MGAT4C: variants seen among roughly 807,000 people sequenced by gnomAD.
MGAT4C encodes the protein MGAT4 family member C, also known as alpha-1,3-mannosyl-glycoprotein 4-beta-N-acetylglucosaminyltransferase C.
Under a neutral mutation model 40.1 loss-of-function variants are expected in MGAT4C, and 19 were observed. The observed-to-expected ratio is 0.47, with a 90% CI of 0.33 to 0.70. The LOEUF is 0.70. MGAT4C is among the 30% of genes least tolerant of loss of function. The pLI is 0.02. For synonymous variants in MGAT4C, 181 were observed against 187.1 expected, an observed-to-expected ratio of 0.97 and a Z score of 0.27; for missense variants, 491 against 563.2, an observed-to-expected ratio of 0.87 and a Z score of 1.30.
At chr12:86,796,274 C>A (rs1952116649) in intron 1 of MGAT4C, among the ~76,000 whole-genome samples, 1 of 151,576 alleles carries the variant, frequency 6.6e-6, no homozygotes, top group Non-Finnish European at 1.5e-5. Flanking sequence ...TTTTCCATTT[C>A]TTTACTAATG....
chr12:85,987,115 AATTTT>A (rs1885302949), intron 3 of MGAT4C, among the ~76,000 whole-genome samples: 4 of 129,426 alleles, frequency 3.1e-5, no homozygotes, highest in East Asian at 2.3e-4. Flanking sequence ...TTAAAATAAT[AATTTT>A]TTTTTTTTTT....
chr12:86,388,254 T>C (rs1313592553), intron 3 of MGAT4C, among the ~76,000 whole-genome samples: 2 of 152,160 alleles, frequency 1.3e-5, no homozygotes, highest in African/African-American at 4.8e-5. Context: ...ATTTCAAATA[T>C]ACATATTTTG....
chr12:86,525,926 G>A (rs564793347), intron 2 of MGAT4C, among the ~76,000 whole-genome samples: 19 of 152,326 alleles, frequency 1.2e-4, no homozygotes, highest in Admixed American at 3.3e-4. Flanking sequence ...GTCCTCATTC[G>A]CATGTGCCAG....
At chr12:86,730,238 T>C (rs777423831) in intron 1 of MGAT4C, among the ~76,000 whole-genome samples, 2 of 152,056 alleles carry the variant, frequency 1.3e-5, no homozygotes, top group Non-Finnish European at 2.9e-5. Context: ...TGTCAACTGC[T>C]ACTTGATAGA....
chr12:86,015,206 G>T (rs536758340), intron 2 of MGAT4C, among the ~76,000 whole-genome samples: 4 of 151,104 alleles, frequency 2.6e-5, no homozygotes, highest in Non-Finnish European at 5.9e-5. Context: ...TAATAATAAG[G>T]TTGGTGCAAA....
chr12:86,146,239 C>T (rs1380632255), intron 1 of MGAT4C, among the ~76,000 whole-genome samples: 1 of 152,046 alleles, frequency 6.6e-6, no homozygotes, highest in African/African-American at 2.4e-5. Flanking sequence ...CATGTATATT[C>T]TAATTATGGC....
intron 2 of MGAT4C, among the ~76,000 whole-genome samples, chr12:86,621,817 A>G (rs1962648245): frequency 6.6e-6 from 1 of 152,200 alleles, no homozygotes; most frequent in Non-Finnish European, 1.5e-5. Context: ...CTTTGCAGTG[A>G]TGGAAAAGCC....
intron 1 of MGAT4C, among the ~76,000 whole-genome samples, chr12:86,244,206 C>A (rs1161367424): frequency 1.3e-5 from 2 of 152,174 alleles, no homozygotes; most frequent in Non-Finnish European, 2.9e-5. Flanking sequence ...GCTGGGCGGT[C>A]ATTTGCTGAC....
intron 1 of MGAT4C, among the ~76,000 whole-genome samples, chr12:86,062,752 T>C (rs1328704764): frequency 6.6e-6 from 1 of 151,304 alleles, no homozygotes; most frequent in African/African-American, 2.4e-5. Context: ...GCCAAATTGA[T>C]CAAGCAGAAG....
chr12:86,175,411 A>G (rs1887290779), intron 1 of MGAT4C, among the ~76,000 whole-genome samples: 2 of 152,122 alleles, frequency 1.3e-5, no homozygotes, highest in Admixed American at 1.3e-4. Context: ...TCAATCCTCT[A>G]TCTAAATGTA....
chr12:86,760,787 T>A (rs1767964944), intron 1 of MGAT4C, among the ~76,000 whole-genome samples: 1 of 152,132 alleles, frequency 6.6e-6, no homozygotes, highest in Non-Finnish European at 1.5e-5. Context: ...GAGAACTGCA[T>A]CTACAACAAC....
At chr12:86,739,762 G>A (rs983546956) in intron 1 of MGAT4C, among the ~76,000 whole-genome samples, 1 of 150,748 alleles carries the variant, frequency 6.6e-6, no homozygotes, top group African/African-American at 2.4e-5. Flanking sequence ...TATCTGCCTG[G>A]TGGTCCTGGA....
chr12:86,175,689 T>C (rs564640548), intron 1 of MGAT4C, among the ~76,000 whole-genome samples: 2 of 150,420 alleles, frequency 1.3e-5, no homozygotes, highest in East Asian at 4.0e-4. Context: ...CGGTGGTTCA[T>C]GCCTGTAATC....
chr12:86,261,567 T>C (rs1236515828), intron 4 of MGAT4C, among the ~76,000 whole-genome samples: 4 of 152,126 alleles, frequency 2.6e-5, no homozygotes, highest in Non-Finnish European at 5.9e-5. Context: ...TATATAATAA[T>C]GTCATGACTG....
At chr12:86,093,166 G>T (rs965629528) in intron 1 of MGAT4C, among the ~76,000 whole-genome samples, 1 of 151,940 alleles carries the variant, frequency 6.6e-6, no homozygotes, top group Non-Finnish European at 1.5e-5. Flanking sequence ...TTTCAAAGCT[G>T]ACCCTGAGCT....
chr12:86,622,860 A>G (rs968099540), intron 2 of MGAT4C, among the ~76,000 whole-genome samples: 2 of 152,182 alleles, frequency 1.3e-5, no homozygotes, highest in African/African-American at 2.4e-5. Flanking sequence ...GTAGACAAGT[A>G]TATTAAACCA....
At chr12:86,245,128 C>T (rs1051265072) in intron 1 of MGAT4C, among the ~76,000 whole-genome samples, 1 of 152,068 alleles carries the variant, frequency 6.6e-6, no homozygotes, top group Non-Finnish European at 1.5e-5. Context: ...AAAAATACAC[C>T]AAATGGTGAG....
intron 2 of MGAT4C, among the ~76,000 whole-genome samples, chr12:86,572,663 A>T (rs1960411526): frequency 6.6e-6 from 1 of 152,034 alleles, no homozygotes; most frequent in Non-Finnish European, 1.5e-5. Flanking sequence ...CTCTTAATCT[A>T]CAATAATCTT....
At chr12:86,403,094 A>T (rs777697900) in intron 3 of MGAT4C, among the ~76,000 whole-genome samples, 1 of 152,204 alleles carries the variant, frequency 6.6e-6, no homozygotes, top group Non-Finnish European at 1.5e-5. Context: ...TCTTGATTCA[A>T]TGCCCATTTT....
Sources: gnomAD v4.1 joint callset for allele counts (sites outside exome capture counted in the v4.1 genomes callset) on GRCh38, gnomAD v4.1.1 for gene constraint, MANE v1.5 for transcripts, NCBI Gene and HGNC (gene_info 2026-07-23, HGNC 2026-07-21) for gene names.